The following ADCY9 variants were observed in gnomAD, a reference collection of about 807,000 sequenced individuals.
The protein encoded by ADCY9 is adenylate cyclase type 9.
Under a neutral mutation model 101.5 loss-of-function variants are expected in ADCY9, and 50 were observed. The ratio of observed to expected loss-of-function variants is 0.49; its 90% CI spans 0.39 to 0.62. ADCY9 has a LOEUF of 0.62. ADCY9 is among the 20% of genes least tolerant of loss of function. The pLI, the probability that ADCY9 is intolerant of heterozygous loss-of-function variation, is 0.00. For synonymous variants in ADCY9, 905 were observed against 769.3 expected (o/e 1.18, Z -2.92); for missense variants, 1,662 against 1,800.4 (o/e 0.92, Z 1.39).
intron 10 of ADCY9, among the ~76,000 whole-genome samples, chr16:3,970,025 CT>C (rs1378462693): frequency 1.3e-5 from 2 of 152,104 alleles, no homozygotes; most frequent in Non-Finnish European, 2.9e-5. Flanking sequence ...TAGTCTTTTT[CT>C]TTTTTACAAC....
intron 10 of ADCY9, among the ~76,000 whole-genome samples, chr16:3,970,570 C>T (rs1284163875): frequency 1.5e-4 from 22 of 151,438 alleles, no homozygotes; most frequent in Admixed American, 1.4e-3. Context: ...TCAGGTGATC[C>T]ACCCGCCTTG....
At position 4,074,927 on chromosome 16, in the gene ADCY9, T is replaced by A. The variant is rs188096062; in HGVS notation, c.1693+38823A>T. Among the ~76,000 whole-genome samples the A allele has an allele frequency of 3.6e-3, 543 of 151,316 alleles. 3 individuals carry two copies. The highest frequency in any genetic ancestry group is 6.2e-3 in the Non-Finnish European group (419 of 67,774). On this transcript the variant is annotated intron_variant, in intron 2 of 10. Transcript: ENST00000294016. ...TAGTGGCTCACACCTGTAATCCCAA[T>A]ACTTTTGAGAGGCTGAGGCAGGAGG...
intron 2 of ADCY9, among the ~76,000 whole-genome samples, chr16:4,081,381 C>T (rs529388944): frequency 2.6e-5 from 4 of 152,340 alleles, no homozygotes; most frequent in Middle Eastern, 3.4e-3. Flanking sequence ...AGGAGCTGGC[C>T]GCACAGGAGA....
Position 3,988,129 on chromosome 16 carries a change from A to G in ADCY9, c.2310+865T>C, listed in dbSNP as rs531576540. Among the ~76,000 whole-genome samples, 14 of 152,266 alleles carry G rather than the reference A, an allele frequency of 9.2e-5. No homozygotes were observed. The South Asian group carries it at 2.3e-3, about 25-fold the overall frequency. On this transcript the variant is annotated intron_variant, in intron 6 of 10. Transcript: ENST00000294016. ...AACACGAATCCAGAACCACACACGG[A>G]AAGATTCCAAAATGGGGCACACACG...
Position 4,113,934 on chromosome 16 carries a change from C to A in ADCY9, c.1509G>T (p.Arg503Ser), listed in dbSNP as rs774163987. 80 of 1,614,024 alleles carry A rather than the reference C, an allele frequency of 5.0e-5. No individual in the cohort carries two copies. Among genetic ancestry groups the A allele is most frequent in the Non-Finnish European group, 6.3e-5 (74 of 1,180,034 alleles). The change falls in exon 2 of 11, where the codon AGG (arginine) becomes AGT (serine). Residue 503 changes from arginine (R) to serine (S), a missense_variant. Transcript: ENST00000294016. ...GTVLCGILGMRRFKFDVWSND... is the reference protein window; with the variant it reads ...GTVLCGILGMSRFKFDVWSND... ...TGGACCACACGTCAAATTTAAACCT[C>A]CTCATGCCCAGGATGCCGCAAAGGA...
At chr16:4,100,254 C>T (rs374749621) in intron 2 of ADCY9, among the ~76,000 whole-genome samples, 5 of 152,208 alleles carry the variant, frequency 3.3e-5, no homozygotes, top group East Asian at 1.9e-4. Context: ...AGTTTCCTGA[C>T]GCCTCCCCAG....
intron 8 of ADCY9, among the ~76,000 whole-genome samples, chr16:3,978,378 C>T (rs544893705): frequency 1.6e-4 from 25 of 152,346 alleles, no homozygotes; most frequent in African/African-American, 4.6e-4. Context: ...TCATCTCCCA[C>T]GGCCGTGCTG....
chr16:3,968,845 T>C (rs547167542), intron 10 of ADCY9, among the ~76,000 whole-genome samples: 1 of 149,262 alleles, frequency 6.7e-6, no homozygotes. Context: ...CAGTTTCTGC[T>C]TTTTTTTTTC....
chr16:3,962,586 A>G (rs139380454), downstream of ADCY9: 172 of 152,316 alleles, frequency 1.1e-3, no homozygotes, highest in African/African-American at 4.0e-3. Context: ...GAGCTGTCCA[A>G]GGAAGACCGC....
chr16:3,954,150 C>A (rs891737778), intron 5 of ADCY9, among the ~76,000 whole-genome samples: 3 of 152,238 alleles, frequency 2.0e-5, no homozygotes, highest in Non-Finnish European at 4.4e-5. Flanking sequence ...AGAGGCCCCA[C>A]TGACGCACCC....
rs1555504592 is a variant in ADCY9, at chr16:3,956,509, G to GGGA, written c.568-2996_568-2994dup. On this transcript the variant is annotated intron_variant, in intron 5 of 5. Transcript: ENST00000576936. The stretch of plus-strand genomic sequence containing the variant: ...TGAGCTTTTTTTTTTTTTTTGGGGG[G>GGGA]GGATGGAGTCTCCCTCTGTCTCCCA... 4.5e-3 allele frequency among the ~76,000 whole-genome samples: 317 copies of GGGA among 71,054 alleles called. 11 individuals carry two copies. The highest frequency in any genetic ancestry group is 0.013 in the Middle Eastern group (2 of 158). The allele number at this position is 71,054 out of a possible 152,430, so 46.6% of individuals were successfully genotyped here.
intron 2 of ADCY9, among the ~76,000 whole-genome samples, chr16:4,113,537 C>A (rs1025771298): frequency 1.3e-5 from 2 of 152,184 alleles, no homozygotes; most frequent in South Asian, 2.1e-4. Flanking sequence ...GCGTCTAGGT[C>A]ATCTCTGCAC....
intron 2 of ADCY9, among the ~76,000 whole-genome samples, chr16:4,111,149 C>A (rs184765858): frequency 6.6e-6 from 1 of 152,218 alleles, no homozygotes; most frequent in Non-Finnish European, 1.5e-5. Context: ...TGCTCCCAGG[C>A]TAGTTCTAGA....
At chr16:4,025,737 G>A (rs1478565407) in intron 2 of ADCY9, among the ~76,000 whole-genome samples, 4 of 152,188 alleles carry the variant, frequency 2.6e-5, no homozygotes, top group Admixed American at 1.3e-4. Flanking sequence ...AAGGTTTGGG[G>A]CATGACCAGC....
chr16:4,075,076 C>G (rs1020009334), intron 2 of ADCY9, among the ~76,000 whole-genome samples: 4 of 152,146 alleles, frequency 2.6e-5, no homozygotes, highest in Admixed American at 2.0e-4. Context: ...ACTCAGGAAG[C>G]TGAGGTAGGA....
intron 2 of ADCY9, among the ~76,000 whole-genome samples, chr16:4,087,528 T>G (rs563447443): frequency 1.4e-5 from 2 of 139,608 alleles, no homozygotes; most frequent in East Asian, 2.1e-4. Flanking sequence ...AGAGCGAGAT[T>G]CCATCTCAAA....
At position 4,045,594 on chromosome 16, in the gene ADCY9, TAAAAA is replaced by T. The variant is rs545715002; in HGVS notation, c.1694-38041_1694-38037del. On this transcript the variant is annotated intron_variant, in intron 2 of 10. Transcript: ENST00000294016. ...TGGGCAACAGAGCAAGACTCTGCCT[TAAAAA>T]AAAAAAAAAAAAAAAAAAAAGAGCC... Among the ~76,000 whole-genome samples the T allele has an allele frequency of 1.7e-4, 11 of 64,964 alleles. No individual in the cohort carries two copies. The Admixed American group carries it at 1.8e-3, about 10-fold the overall frequency. 42.6% of individuals were successfully genotyped at this position (64,964 alleles called of 152,430 possible). A position where few individuals can be genotyped will look rare whatever the true frequency, so the allele number is the denominator to read the frequency against.
chr16:4,103,081 A>G, intron 2 of ADCY9, among the ~76,000 whole-genome samples: 1 of 152,232 alleles, frequency 6.6e-6, no homozygotes, highest in Non-Finnish European at 1.5e-5. Flanking sequence ...CAGAATCACA[A>G]AAGATTTTTA....
chr16:4,023,859 G>A (rs926549147), intron 2 of ADCY9, among the ~76,000 whole-genome samples: 1 of 152,056 alleles, frequency 6.6e-6, no homozygotes, highest in Admixed American at 6.5e-5. Context: ...GCAGTGGGCC[G>A]AGATTACGCC....
Sources: gnomAD v4.1 joint callset for allele counts (sites outside exome capture counted in the v4.1 genomes callset) on GRCh38, gnomAD v4.1.1 for gene constraint, MANE v1.5 for transcripts, NCBI Gene and HGNC (gene_info 2026-07-23, HGNC 2026-07-21) for gene names.